The following TRPC5 variants were observed in gnomAD, a reference collection of about 807,000 sequenced individuals.
TRPC5 encodes the protein short transient receptor potential channel 5.
Under a neutral mutation model 56.5 loss-of-function variants are expected in TRPC5, and 9 were observed. The ratio of observed to expected loss-of-function variants is 0.16; its 90% confidence interval spans 0.10 to 0.28. The LOEUF (loss-of-function observed/expected upper bound fraction) is 0.28. TRPC5 is among the 10% of genes least tolerant of loss of function. The pLI is 1.00. For synonymous variants in TRPC5, 282 were observed against 278.5 expected (o/e 1.01, Z -0.13); for missense variants, 469 against 748.9 (o/e 0.63, Z 4.36).
At chrX:111,840,290 G>A (rs767587202) in intron 6 of TRPC5, among the ~76,000 whole-genome samples, 3 of 112,474 alleles carry the variant, frequency 2.7e-5, no homozygotes, top group Non-Finnish European at 3.8e-5. Flanking sequence ...GCCTCCCAAA[G>A]TGTTGGAATT....
intron 2 of TRPC5, among the ~76,000 whole-genome samples, chrX:111,944,306 G>GAA (rs750450932): frequency 0.16 from 14,108 of 86,293 alleles, 1,204 homozygotes; most frequent in African/African-American, 0.4. Flanking sequence ...GTGTGTGTGA[G>GAA]AGAGAGAGAG....
At chrX:111,816,814 G>A (rs1362727641) in intron 7 of TRPC5, among the ~76,000 whole-genome samples, 1 of 111,650 alleles carries the variant, frequency 9.0e-6, no homozygotes, top group Non-Finnish European at 1.9e-5. Flanking sequence ...AGGAAGGTGG[G>A]GCCTTAATGG....
intron 1 of TRPC5, among the ~76,000 whole-genome samples, chrX:112,059,172 A>C (rs1296815440): frequency 4.5e-5 from 5 of 111,707 alleles, no homozygotes; most frequent in Non-Finnish European, 9.4e-5. Context: ...AGGAGCCCCA[A>C]ATATGGTGAA....
intron 10 of TRPC5, among the ~76,000 whole-genome samples, chrX:111,778,359 T>C (rs1320383646): frequency 9.0e-6 from 1 of 111,590 alleles, no homozygotes; most frequent in Non-Finnish European, 1.9e-5. Context: ...CTTGGCACTA[T>C]TGACATGTTG....
At chrX:112,015,509 A>C (rs1929099816) in intron 1 of TRPC5, among the ~76,000 whole-genome samples, 1 of 111,181 alleles carries the variant, frequency 9.0e-6, no homozygotes, top group Non-Finnish European at 1.9e-5. Context: ...GTGGGCCACC[A>C]TGTTTGGCCA....
chrX:111,987,743 T>TG lies in TRPC5; in HGVS notation c.-21-35303dup, dbSNP rs200073729. Among the ~76,000 whole-genome samples the TG allele has an allele frequency of 7.5e-3, 843 of 112,605 alleles. 7 individuals carry two copies. The highest frequency in any genetic ancestry group is 0.026 in the African/African-American group (805 of 30,995). On this transcript the variant is annotated intron_variant, in intron 1 of 10. Transcript: ENST00000262839. ...CCTTATCCATTCGTCAACAATAGTC[T>TG]GAAGTCCAGAAAAGACTGATGTTGC... is the stretch of plus-strand genomic sequence containing the variant.
intron 1 of TRPC5, among the ~76,000 whole-genome samples, chrX:111,967,598 C>T (rs1398843167): frequency 8.9e-6 from 1 of 111,981 alleles, no homozygotes; most frequent in African/African-American, 3.2e-5. Context: ...GTAATCAAAA[C>T]AGCATGGTAC....
chrX:111,870,717 C>T (rs1239872248), intron 3 of TRPC5, among the ~76,000 whole-genome samples: 1 of 111,436 alleles, frequency 9.0e-6, no homozygotes, highest in Non-Finnish European at 1.9e-5. Context: ...GATATCTCCC[C>T]TGCCAGGTGA....
At chrX:112,049,074 T>TA (rs1316141277) in intron 1 of TRPC5, among the ~76,000 whole-genome samples, 1 of 111,930 alleles carries the variant, frequency 8.9e-6, no homozygotes, top group African/African-American at 3.3e-5. Flanking sequence ...TTGCAAGAGA[T>TA]AAATAATCTT....
At chrX:111,932,907 C>T (rs1569528266) in intron 2 of TRPC5, among the ~76,000 whole-genome samples, 1 of 111,929 alleles carries the variant, frequency 8.9e-6, no homozygotes, top group Non-Finnish European at 1.9e-5. Context: ...CAACTTTTCA[C>T]TCCAGTACCC....
intron 7 of TRPC5, among the ~76,000 whole-genome samples, chrX:111,819,335 T>C (rs779863731): frequency 8.9e-6 from 1 of 111,769 alleles, no homozygotes; most frequent in East Asian, 2.8e-4. Flanking sequence ...GCAGGTCATA[T>C]ACTGCACAAT....
chrX:111,906,549 C>G (rs988294716), intron 3 of TRPC5, among the ~76,000 whole-genome samples: 22 of 111,400 alleles, frequency 2.0e-4, no homozygotes, highest in African/African-American at 6.5e-4. Flanking sequence ...AAACCCCCAA[C>G]TTCCAGCTTT....
At chrX:111,784,236 AAAC>A (rs746269629) in intron 7 of TRPC5, among the ~76,000 whole-genome samples, 41 of 112,429 alleles carry the variant, frequency 3.6e-4, no homozygotes, top group South Asian at 7.3e-4. Flanking sequence ...ACCTTGGATA[AAAC>A]AACGATTTCT....
At chrX:112,066,069 C>T (rs749923390) in intron 1 of TRPC5, among the ~76,000 whole-genome samples, 1 of 104,940 alleles carries the variant, frequency 9.5e-6, no homozygotes, top group South Asian at 4.8e-4. Flanking sequence ...CCTAGAATAC[C>T]TCCACCTGAT....
chrX:111,938,938 G>T (rs1926687947), intron 2 of TRPC5, among the ~76,000 whole-genome samples: 1 of 111,713 alleles, frequency 9.0e-6, no homozygotes, highest in South Asian at 3.8e-4. Context: ...AGAACTTCTA[G>T]TACTATGTTG....
At chrX:111,818,183 A>T (rs186669530) in intron 7 of TRPC5, among the ~76,000 whole-genome samples, 1 of 111,780 alleles carries the variant, frequency 8.9e-6, no homozygotes, top group South Asian at 3.8e-4. Context: ...CTGGGGGGAA[A>T]ATTTTGCCTC....
At chrX:112,056,293 TC>T (rs1053423750) in intron 1 of TRPC5, among the ~76,000 whole-genome samples, 2 of 111,879 alleles carry the variant, frequency 1.8e-5, no homozygotes, top group African/African-American at 6.5e-5. Context: ...CTTAAAAGTC[TC>T]CCCGTGTGAT....
At chrX:111,915,212 A>G (rs1819958868) in intron 2 of TRPC5, among the ~76,000 whole-genome samples, 1 of 112,060 alleles carries the variant, frequency 8.9e-6, no homozygotes, top group Admixed American at 9.5e-5. Context: ...TGTATGATAG[A>G]GCCAAAAGGT....
At chrX:112,056,124 G>T (rs1930335842) in intron 1 of TRPC5, among the ~76,000 whole-genome samples, 1 of 111,746 alleles carries the variant, frequency 8.9e-6, no homozygotes, top group Non-Finnish European at 1.9e-5. Flanking sequence ...ATCTTCCTTT[G>T]AGCAGGTGCA....
Sources: gnomAD v4.1 joint callset for allele counts (sites outside exome capture counted in the v4.1 genomes callset) on GRCh38, gnomAD v4.1.1 for gene constraint, MANE v1.5 for transcripts, NCBI Gene and HGNC (gene_info 2026-07-23, HGNC 2026-07-21) for gene names.